Variants in PRKCQ observed in about 807,000 individuals in gnomAD.
The protein encoded by PRKCQ is protein kinase C theta.
PRKCQ carries 41 observed loss-of-function variants against 91.2 expected under a neutral mutation model. That is an observed-to-expected ratio of 0.45 (90% CI 0.35 to 0.58). The LOEUF (loss-of-function observed/expected upper bound fraction) is 0.58. Among genes scored for constraint, PRKCQ ranks in the 20% least tolerant of loss-of-function variants. The pLI is 0.00. For synonymous variants in PRKCQ, 307 were observed against 316.9 expected (o/e 0.97, Z 0.33); for missense variants, 673 against 896.5 (o/e 0.75, Z 3.18).
the PRKCQ span, among the ~76,000 whole-genome samples, chr10:6,408,046 G>GT: frequency 8.8e-4 from 74 of 84,222 alleles, 8 homozygotes; most frequent in African/African-American, 3.8e-3. Context: ...TCTTGTGTCA[G>GT]TTTTTTTTTT....
intron 1 of PRKCQ, among the ~76,000 whole-genome samples, chr10:6,558,076 T>C (rs1840492626): frequency 6.6e-6 from 1 of 152,214 alleles, no homozygotes; most frequent in African/African-American, 2.4e-5. Flanking sequence ...ACACGGGCCA[T>C]GTGAGCTGTC....
chr10:6,553,509 A>G (rs1840281915), intron 1 of PRKCQ, among the ~76,000 whole-genome samples: 1 of 147,582 alleles, frequency 6.8e-6, no homozygotes, highest in African/African-American at 2.6e-5. Context: ...AAAAAAAAAA[A>G]AAAAAAAACA....
rs61841305 is a variant in PRKCQ, at chr10:6,538,587, G to A, written c.-9-23443C>T. Among the ~76,000 whole-genome samples, 131 of 152,310 alleles carry A rather than the reference G, an allele frequency of 8.6e-4. 1 individual carries two copies. The highest frequency in any genetic ancestry group is 1.6e-3 in the Non-Finnish European group (111 of 68,032). ...AACATCTAGTCGGCACTAAGATAATGGGGGCCTTTCCTTGCTTGGCTGTGA... is the reference window on the plus strand; with the variant it reads ...AACATCTAGTCGGCACTAAGATAATAGGGGCCTTTCCTTGCTTGGCTGTGA... On this transcript the variant is annotated intron_variant, in intron 1 of 17. Coordinates refer to ENST00000263125, the MANE Select transcript of PRKCQ (RefSeq NM_006257.5).
Position 6,462,338 on chromosome 10 carries a change from A to C in PRKCQ, c.1473T>G (p.Gly491=). 1 of 1,614,080 alleles carries C rather than the reference A, an allele frequency of 6.2e-7. No homozygotes were observed. The highest frequency in any genetic ancestry group is 8.5e-7 in the Non-Finnish European group (1 of 1,179,958). The change falls in exon 14 of 18, where the codon GGT becomes GGG. Residue 491 remains glycine (G), a synonymous_variant. Transcript: ENST00000263125. ...TTCCTTTGGAATGAAGGAACTGCAG[A>C]CCAAGAATGATTTCAGCAGCATAAA... is the stretch of plus-strand genomic sequence containing the variant. ...ATFYAAEIIL[G]LQFLHSKGIV... is the part of the protein sequence containing the mutation.
chr10:6,428,082 G>T lies in PRKCQ; in HGVS notation c.*125C>A. 8.1e-7 allele frequency: 1 copy of T among 1,241,806 alleles called. No individual in the cohort carries two copies. Among genetic ancestry groups the T allele is most frequent in the Non-Finnish European group, 1.1e-6 (1 of 876,260 alleles). 76.9% of individuals were successfully genotyped at this position (1,241,806 alleles called of 1,614,324 possible). On this transcript the variant is annotated 3_prime_UTR_variant, in exon 18 of 18. Transcript: ENST00000263125. ...GATAAAAGTCACATGGGGGCGAACG[G>T]GTCTCAGTCTTTATTGTTGAGTGTT...
At chr10:6,415,780 G>A in the PRKCQ span, among the ~76,000 whole-genome samples, 34 of 143,302 alleles carry the variant, frequency 2.4e-4, no homozygotes, top group African/African-American at 7.8e-4. Context: ...GTCTCTTGCT[G>A]TGTTGCCCAG....
At chr10:6,457,259 G>A (rs1049308645) in intron 14 of PRKCQ, among the ~76,000 whole-genome samples, 1 of 152,100 alleles carries the variant, frequency 6.6e-6, no homozygotes, top group African/African-American at 2.4e-5. Context: ...TCCATCCAAC[G>A]CCAGAATGTC....
At chr10:6,535,627 G>A (rs1192838851) in intron 1 of PRKCQ, among the ~76,000 whole-genome samples, 2 of 152,036 alleles carry the variant, frequency 1.3e-5, no homozygotes, top group Non-Finnish European at 2.9e-5. Context: ...ACAAGCTGCC[G>A]GCCTGACACG....
chr10:6,430,764 G>C lies in PRKCQ; in HGVS notation c.1965+46C>G. 1 of 1,599,618 alleles carries C rather than the reference G, an allele frequency of 6.3e-7. No homozygotes were observed. The highest frequency in any genetic ancestry group is 1.1e-5 in the South Asian group (1 of 88,310). ...CTTGGACAGGCAGACGGCCCTGAGC[G>C]GAGGGAGAGTGGCTGACACCAAGCG... On this transcript the variant is annotated intron_variant, in intron 17 of 17. Transcript: ENST00000263125. The surrounding 1 kb of genome is among the most constrained non-coding windows in gnomAD (Gnocchi z 4.7).
At chr10:6,535,194 C>T (rs990651412) in intron 1 of PRKCQ, among the ~76,000 whole-genome samples, 72 of 152,122 alleles carry the variant, frequency 4.7e-4, no homozygotes, top group African/African-American at 1.6e-3. Flanking sequence ...TGGCACCATT[C>T]GGATGCCCAG....
intron 1 of PRKCQ, among the ~76,000 whole-genome samples, chr10:6,528,864 G>C (rs1014041466): frequency 6.6e-6 from 1 of 152,154 alleles, no homozygotes; most frequent in Non-Finnish European, 1.5e-5. Flanking sequence ...ATGACTGTAG[G>C]GACAGGCTTT....
At chr10:6,492,450 T>C (rs1291884147) in intron 7 of PRKCQ, among the ~76,000 whole-genome samples, 1 of 152,168 alleles carries the variant, frequency 6.6e-6, no homozygotes, top group Admixed American at 6.5e-5. Context: ...AGAATACCCC[T>C]TTTGAAGTCG....
chr10:6,504,946 T>C (rs956952298), intron 4 of PRKCQ, among the ~76,000 whole-genome samples: 2 of 151,306 alleles, frequency 1.3e-5, no homozygotes, highest in African/African-American at 4.9e-5. Flanking sequence ...CAGGCTGGAG[T>C]GCAGTGGTGC....
intron 12 of PRKCQ, among the ~76,000 whole-genome samples, chr10:6,477,011 C>A (rs769640685): frequency 2.6e-5 from 4 of 152,158 alleles, no homozygotes; most frequent in Admixed American, 6.5e-5. Context: ...TCTCTTCTAG[C>A]CTTCATCATG....
intron 1 of PRKCQ, among the ~76,000 whole-genome samples, chr10:6,537,419 A>C (rs1438853965): frequency 6.6e-6 from 1 of 152,184 alleles, no homozygotes; most frequent in African/African-American, 2.4e-5. Context: ...ACAGATGTGG[A>C]AATGGGCTCA....
chr10:6,404,513 C>CT, the PRKCQ span, among the ~76,000 whole-genome samples: 1 of 145,684 alleles, frequency 6.9e-6, no homozygotes. Flanking sequence ...CTCTGTCTCT[C>CT]CTTCCTCCCT....
At chr10:6,498,096 G>A (rs1837713573) in intron 5 of PRKCQ, among the ~76,000 whole-genome samples, 1 of 152,186 alleles carries the variant, frequency 6.6e-6, no homozygotes, top group Non-Finnish European at 1.5e-5. Context: ...CTGGAAAACT[G>A]TTTGTAATAA....
intron 1 of PRKCQ, among the ~76,000 whole-genome samples, chr10:6,521,664 G>A (rs1053023268): frequency 2.0e-5 from 3 of 152,216 alleles, no homozygotes; most frequent in Non-Finnish European, 4.4e-5. Context: ...CAGGAGGAAA[G>A]TAGAAATAGT....
At chr10:6,432,736 C>A (rs778225862) in intron 16 of PRKCQ, among the ~76,000 whole-genome samples, 1 of 152,148 alleles carries the variant, frequency 6.6e-6, no homozygotes. Flanking sequence ...GCATTCAAGG[C>A]TCTCTGGAGT....
Sources: gnomAD v4.1 joint callset for allele counts (sites outside exome capture counted in the v4.1 genomes callset) on GRCh38, gnomAD v4.1.1 for gene constraint, Gnocchi (gnomAD v3.1) non-coding constraint, MANE v1.5 for transcripts, NCBI Gene and HGNC (gene_info 2026-07-23, HGNC 2026-07-21) for gene names.